GOLGA3: variants seen among roughly 807,000 people sequenced by gnomAD.
The protein encoded by GOLGA3 is golgin A3.
Under a neutral mutation model 169.4 loss-of-function variants are expected in GOLGA3, and 75 were observed. That is an observed-to-expected ratio of 0.44 (90% CI 0.37 to 0.54). GOLGA3 has a LOEUF of 0.54. Among genes scored for constraint, GOLGA3 ranks in the 20% least tolerant of loss-of-function variants. GOLGA3 has a pLI of 0.00. For synonymous variants in GOLGA3, 824 were observed against 822.4 expected (o/e 1.00, Z -0.03); for missense variants, 1,899 against 1,930.0 (o/e 0.98, Z 0.30).
chr12:132,820,191 C>G (rs1038998221), intron 2 of GOLGA3, among the ~76,000 whole-genome samples: 1 of 151,070 alleles, frequency 6.6e-6, no homozygotes, highest in Non-Finnish European at 1.5e-5. Flanking sequence ...AAAAAAAAAT[C>G]AGCTAGGCGT....
At chr12:132,796,453 G>A in intron 10 of GOLGA3, 86 bp downstream of exon 10, 1 of 1,442,380 alleles carries the variant, frequency 6.9e-7, no homozygotes, top group Admixed American at 2.1e-5. Flanking sequence ...CCACAGCAGA[G>A]GACTGCTCGG....
chr12:132,825,160 G>C (rs116164125), intron 1 of GOLGA3, among the ~76,000 whole-genome samples: 6 of 152,128 alleles, frequency 3.9e-5, no homozygotes, highest in Non-Finnish European at 5.9e-5. Context: ...TCTGCCTTGC[G>C]GGGGTGGGGT....
rs2044882715 is a variant in GOLGA3, at chr12:132,771,197, TACCTTA to T, written c.*1902_*1907del. The T allele has an allele frequency of 6.6e-6, 1 of 152,662 alleles. No homozygotes were observed. The highest frequency in any genetic ancestry group is 1.5e-5 in the Non-Finnish European group (1 of 68,056). The allele number at this position is 152,662 out of a possible 1,614,324, so 9.5% of individuals were successfully genotyped here. On this transcript the variant is annotated 3_prime_UTR_variant, in exon 24 of 24. Coordinates refer to ENST00000450791, the MANE Select transcript of GOLGA3 (RefSeq NM_001389683.1). ...TACCAAACATCTTTGTGGTTAATGCTACCTTAACCTTACCAATTAACCTTCTAAAAG... is the reference window on the plus strand; with the variant it reads ...TACCAAACATCTTTGTGGTTAATGCTACCTTACCAATTAACCTTCTAAAAG...
chr12:132,812,982 T>C (rs1228516178), intron 4 of GOLGA3, among the ~76,000 whole-genome samples: 1 of 152,234 alleles, frequency 6.6e-6, no homozygotes, highest in African/African-American at 2.4e-5. Flanking sequence ...TTAGACACAG[T>C]GCTACTGCAC....
intron 4 of GOLGA3, among the ~76,000 whole-genome samples, chr12:132,810,621 G>A (rs971700235): frequency 3.9e-5 from 6 of 152,220 alleles, no homozygotes; most frequent in Non-Finnish European, 7.3e-5. Context: ...ACAAGTGCGA[G>A]CCTTCTGTTA....
Position 132,822,327 on chromosome 12 carries a change from G to A in GOLGA3, c.-183-16C>T. On this transcript the variant is annotated splice_polypyrimidine_tract_variant and intron_variant, in intron 1 of 23. Coordinates refer to ENST00000450791, the MANE Select transcript of GOLGA3 (RefSeq NM_001389683.1). ...ATCATGATACCTGACAGGAGAGAGA[G>A]ACAAAATGTATTATGAAACTTGTCA... 6 of 1,278,300 alleles carry A rather than the reference G, an allele frequency of 4.7e-6. No homozygotes were observed. Among genetic ancestry groups the A allele is most frequent in the Non-Finnish European group, 6.0e-6 (6 of 998,192 alleles). 79.2% of individuals were successfully genotyped at this position (1,278,300 alleles called of 1,614,324 possible).
At position 132,801,219 on chromosome 12, in the gene GOLGA3, T is replaced by C. The variant is rs184905353; in HGVS notation, c.1800+548A>G. ...AACGAGTGGACGGGAGAGGAAAGAG[T>C]TTTCCAACAGGACGTAGAAAATGCA... On this transcript the variant is annotated intron_variant, in intron 8 of 23. Transcript: ENST00000450791. 4.0e-4 allele frequency among the ~76,000 whole-genome samples: 59 copies of C among 148,776 alleles called. 2 individuals are homozygous for C. The East Asian group carries it at 0.01, about 25-fold the overall frequency.
At chr12:132,792,717 C>T (rs1593285768) in intron 11 of GOLGA3, among the ~76,000 whole-genome samples, 1 of 144,222 alleles carries the variant, frequency 6.9e-6, no homozygotes, top group East Asian at 2.1e-4. Flanking sequence ...GGGCTCCACA[C>T]GGACCGACCG....
intron 21 of GOLGA3, among the ~76,000 whole-genome samples, chr12:132,775,747 G>A (rs557816065): frequency 1.5e-5 from 2 of 137,146 alleles, no homozygotes; most frequent in African/African-American, 2.5e-5. Context: ...GACGCTTGTC[G>A]GCCTGTGTCT....
In GOLGA3 at chr12:132,816,865, C is replaced by T. The variant is rs900333652; in HGVS notation, c.134-53G>A. 15 of 1,483,326 alleles carry T rather than the reference C, an allele frequency of 1.0e-5. No homozygotes were observed. The Admixed American group carries it at 1.1e-4, about 11-fold the overall frequency. 91.9% of individuals were successfully genotyped at this position (1,483,326 alleles called of 1,614,324 possible). On this transcript the variant is annotated intron_variant, in intron 2 of 23. Transcript: ENST00000450791. Reference sequence around the variant, plus strand: ...CATGGCTTTAACAACAAGGTGACGTCGCTTTTCAGACATGCAGCTGGAGTA... The same window carrying T: ...CATGGCTTTAACAACAAGGTGACGTTGCTTTTCAGACATGCAGCTGGAGTA...
chr12:132,825,342 G>A (rs528674802), intron 1 of GOLGA3, among the ~76,000 whole-genome samples: 3 of 152,258 alleles, frequency 2.0e-5, no homozygotes, highest in South Asian at 2.1e-4. Flanking sequence ...ACCACAGCAC[G>A]TCATGTCTGC....
chr12:132,793,002 A>C (rs150576181), intron 11 of GOLGA3, among the ~76,000 whole-genome samples: 217 of 66,918 alleles, frequency 3.2e-3, no homozygotes, highest in Middle Eastern at 0.011. Context: ...CCACACAGAC[A>C]GACCGCACGG....
chr12:132,793,019 C>A (rs541192513), intron 11 of GOLGA3, among the ~76,000 whole-genome samples: 5 of 105,806 alleles, frequency 4.7e-5, no homozygotes, highest in East Asian at 2.9e-4. Context: ...ACGGGACCCG[C>A]ACTCGGAGGG....
intron 18 of GOLGA3, among the ~76,000 whole-genome samples, chr12:132,780,123 A>AC (rs113371649): frequency 2.9e-5 from 4 of 136,076 alleles, no homozygotes; most frequent in East Asian, 4.4e-4. Context: ...CCCCGCGTGC[A>AC]CACACCCCAG....
intron 7 of GOLGA3, among the ~76,000 whole-genome samples, chr12:132,803,392 C>T (rs908710659): frequency 2.0e-5 from 3 of 152,312 alleles, no homozygotes; most frequent in South Asian, 2.1e-4. Context: ...TTCGACCCAA[C>T]GATGTCTACC....
At chr12:132,819,331 T>C (rs1470115509) in intron 2 of GOLGA3, among the ~76,000 whole-genome samples, 4 of 151,308 alleles carry the variant, frequency 2.6e-5, no homozygotes, top group Non-Finnish European at 4.4e-5. Flanking sequence ...AGATCGAGAC[T>C]ATCCTGGCTA....
intron 2 of GOLGA3, among the ~76,000 whole-genome samples, chr12:132,821,189 C>T (rs1950194421): frequency 6.7e-6 from 1 of 149,144 alleles, no homozygotes; most frequent in African/African-American, 2.5e-5. Flanking sequence ...GGCGGATCAC[C>T]TGAGGTTGGG....
At chr12:132,787,860 C>CGGGACCCCTCCCCGGAGACCA (rs2046005678) in intron 13 of GOLGA3, among the ~76,000 whole-genome samples, 2 of 46,124 alleles carry the variant, frequency 4.3e-5, no homozygotes, top group Admixed American at 2.4e-4. Flanking sequence ...CCCGGAGACC[C>CGGGACCCCTCCCCGGAGACCA]CGGGACCCCT....
chr12:132,820,301 TGCACTTC>T (rs2136758261), intron 2 of GOLGA3, among the ~76,000 whole-genome samples: 1 of 152,236 alleles, frequency 6.6e-6, no homozygotes, highest in East Asian at 1.9e-4. Context: ...ATTACACCAC[TGCACTTC>T]AGCCTGCTCA....
Sources: gnomAD v4.1 joint callset for allele counts (sites outside exome capture counted in the v4.1 genomes callset) on GRCh38, gnomAD v4.1.1 for gene constraint, MANE v1.5 for transcripts, NCBI Gene and HGNC (gene_info 2026-07-23, HGNC 2026-07-21) for gene names.